Variants in TRPC1 observed in about 807,000 individuals in gnomAD.
TRPC1 encodes short transient receptor potential channel 1.
Under a neutral mutation model 88.2 loss-of-function variants are expected in TRPC1, and 42 were observed. The ratio of observed to expected loss-of-function variants is 0.48; its 90% CI spans 0.37 to 0.62. TRPC1 has a LOEUF of 0.62. Among genes scored for constraint, TRPC1 ranks in the 20% least tolerant of loss-of-function variants. The pLI is 0.00. For missense variants in TRPC1, 699 were observed against 957.3 expected, an observed-to-expected ratio of 0.73 and a Z score of 3.56; for synonymous variants, 288 against 331.8, an observed-to-expected ratio of 0.87 and a Z score of 1.43.
intron 1 of TRPC1, among the ~76,000 whole-genome samples, chr3:142,731,134 A>T (rs184814729): frequency 4.6e-5 from 7 of 152,164 alleles, no homozygotes; most frequent in African/African-American, 7.2e-5. Context: ...CATTTTTTTT[A>T]AATTGCTGGT....
At chr3:142,743,428 G>A in intron 2 of TRPC1, 57 bp from the exon 3 acceptor site, 4 of 1,221,850 alleles carry the variant, frequency 3.3e-6, no homozygotes, top group Non-Finnish European at 4.4e-6. Flanking sequence ...TTAGTAAAAA[G>A]AAGTAGTTTA....
intron 7 of TRPC1, among the ~76,000 whole-genome samples, chr3:142,785,540 C>T (rs990168526): frequency 6.6e-6 from 1 of 152,100 alleles, no homozygotes; most frequent in Admixed American, 6.5e-5. Flanking sequence ...CTCGCTCTGT[C>T]GCCCAGGCTG....
intron 6 of TRPC1, among the ~76,000 whole-genome samples, chr3:142,782,874 C>T (rs578169521): frequency 3.9e-5 from 6 of 152,310 alleles, no homozygotes; most frequent in Non-Finnish European, 8.8e-5. Flanking sequence ...TTCCTCACAG[C>T]ATGGTGGCTT....
chr3:142,756,361 C>CT (rs749438384), intron 4 of TRPC1, among the ~76,000 whole-genome samples: 13,937 of 136,478 alleles, frequency 0.1, 897 homozygotes, highest in African/African-American at 0.16. Context: ...TATGATGGTT[C>CT]TTTTTTTTTT....
At chr3:142,790,781 AC>A (rs1318467902) in intron 7 of TRPC1, among the ~76,000 whole-genome samples, 1 of 151,890 alleles carries the variant, frequency 6.6e-6, no homozygotes, top group Admixed American at 6.6e-5. Flanking sequence ...TTGGTTTCTT[AC>A]GTTTGTTCCA....
In TRPC1 at chr3:142,792,933, T is replaced by C; in HGVS notation, c.1547T>C (p.Met516Thr). ...CTAAGTTATCTTCGTCTCTTTTTTA[T>C]GTATACAACCAGCTCTATCTTGGGT... ...NVLSYLRLFFMYTTSSILGPL... is the reference protein window; with the variant it reads ...NVLSYLRLFFTYTTSSILGPL... The change falls in exon 9 of 13, where the codon ATG (methionine) becomes ACG (threonine). Residue 516 changes from methionine to threonine, a missense_variant. Physicochemically the swap from Met to Thr is moderately conservative, Grantham distance 81 (BLOSUM62 -1). This residue lies in a region of TRPC1 where 426 missense variants were observed against 641.3 expected (regional missense o/e 0.66). Coordinates refer to ENST00000476941, the MANE Select transcript of TRPC1 (RefSeq NM_001251845.2). The surrounding 1 kb of genome is among the most constrained non-coding windows in gnomAD (Gnocchi z 4.0). The C allele has an allele frequency of 6.2e-7, 1 of 1,609,542 alleles. No homozygotes were observed. The highest frequency in any genetic ancestry group is 8.5e-7 in the Non-Finnish European group (1 of 1,177,538).
intron 1 of TRPC1, among the ~76,000 whole-genome samples, chr3:142,726,699 G>A (rs201000216): frequency 3.9e-5 from 6 of 152,104 alleles, no homozygotes; most frequent in East Asian, 3.9e-4. Flanking sequence ...TTTTGATTAC[G>A]TGTTTGTATT....
At chr3:142,779,046 A>G (rs1444372903) in intron 5 of TRPC1, among the ~76,000 whole-genome samples, 1 of 152,202 alleles carries the variant, frequency 6.6e-6, no homozygotes, top group Non-Finnish European at 1.5e-5. Flanking sequence ...TTCCTATTGT[A>G]ACCTCATAAT....
intron 4 of TRPC1, among the ~76,000 whole-genome samples, chr3:142,756,368 T>TA (rs1934963240): frequency 6.6e-6 from 1 of 151,680 alleles, no homozygotes; most frequent in African/African-American, 2.4e-5. Flanking sequence ...GTTCTTTTTT[T>TA]TTTTTTTTTG....
intron 4 of TRPC1, among the ~76,000 whole-genome samples, chr3:142,775,695 C>T (rs1002184353): frequency 1.3e-5 from 2 of 151,620 alleles, no homozygotes; most frequent in African/African-American, 4.8e-5. Context: ...TACAAATTGA[C>T]TAAAAGCAGG....
In TRPC1 at chr3:142,803,992, CT is replaced by C; in HGVS notation, c.1776del (p.Phe592LeufsTer10). 6.2e-7 allele frequency: 1 copy of C among 1,613,488 alleles called. No homozygotes were observed. Among genetic ancestry groups the C allele is most frequent in the Non-Finnish European group, 8.5e-7 (1 of 1,179,670 alleles). On this transcript the variant is annotated frameshift_variant, in exon 11 of 13. Transcript: ENST00000476941. LOFTEE classifies it high-confidence loss of function. ...DTFHSFIGTCFALFWYIFSLA... is the reference protein window; with the variant it reads ...DTFHSFIGTCXALFWYIFSLA... ...GTCTTTACAGGTTCATTGGCACCTG[CT>C]TTGCTTTGTTCTGGTATATTTTCTC...
intron 4 of TRPC1, among the ~76,000 whole-genome samples, chr3:142,757,690 T>C (rs995219311): frequency 6.6e-6 from 1 of 152,030 alleles, no homozygotes; most frequent in Non-Finnish European, 1.5e-5. Context: ...AAATACCTAA[T>C]GCATGCGGGG....
chr3:142,805,327 T>G (rs1336827126), intron 12 of TRPC1, among the ~76,000 whole-genome samples: 2 of 152,046 alleles, frequency 1.3e-5, no homozygotes. Context: ...TAGAATCAGC[T>G]CATATTTTTC....
Position 142,743,539 on chromosome 3 carries a change from A to G in TRPC1, c.382A>G (p.Ile128Val), listed in dbSNP as rs1934431048. The G allele has an allele frequency of 5.9e-6, 9 of 1,528,112 alleles. No individual in the cohort carries two copies. Among genetic ancestry groups the G allele is most frequent in the Non-Finnish European group, 7.0e-6 (8 of 1,143,512 alleles). 94.7% of individuals were successfully genotyped at this position (1,528,112 alleles called of 1,614,324 possible). ...IDSEVVGAVD[I>V]LLNHRPKRSS... ...CTCTGAAGTAGTGGGAGCTGTTGATATACTACTTAATCATCGACCAAAACG... is the reference window on the plus strand; with the variant it reads ...CTCTGAAGTAGTGGGAGCTGTTGATGTACTACTTAATCATCGACCAAAACG... Residue 128 changes from isoleucine to valine, a missense_variant, in exon 3 of 13, where the codon ATA becomes GTA. This residue lies in a region of TRPC1 where 426 missense variants were observed against 641.3 expected (regional missense o/e 0.66). Transcript: ENST00000476941.
At chr3:142,749,666 C>T (rs1490589779) in intron 4 of TRPC1, among the ~76,000 whole-genome samples, 1 of 152,148 alleles carries the variant, frequency 6.6e-6, no homozygotes, top group Non-Finnish European at 1.5e-5. Context: ...TACCTGACTT[C>T]AAACTATACT....
rs200705293 is a variant in TRPC1, at chr3:142,757,282, C to CT, written c.632+8830dup. Among the ~76,000 whole-genome samples, 881 of 151,342 alleles carry CT rather than the reference C, an allele frequency of 5.8e-3. 7 individuals carry two copies. Among genetic ancestry groups the CT allele is most frequent in the African/African-American group, 0.019 (800 of 41,226 alleles). The stretch of plus-strand genomic sequence containing the variant: ...GGAATTGCTGGATCATATGGTAGTT[C>CT]TTTTTTTTAAAAAAAAATTATGTTT... On this transcript the variant is annotated intron_variant, in intron 4 of 12. Transcript: ENST00000476941.
In TRPC1 at chr3:142,780,892, C is replaced by A; in HGVS notation, c.823C>A (p.Gln275Lys). ...CKMFAKDLLA[Q>K]ARNSRELEVI... ...AATGTTTGCTAAGGATTTACTTGCA[C>A]AAGCCCGGAATTCTCGTGAATTGGA... Residue 275 changes from glutamine to lysine, a missense_variant, in exon 6 of 13, where the codon CAA (glutamine) becomes AAA (lysine). Coordinates refer to ENST00000476941, the MANE Select transcript of TRPC1 (RefSeq NM_001251845.2). 6.2e-7 allele frequency: 1 copy of A among 1,613,604 alleles called. No individual in the cohort carries two copies. The highest frequency in any genetic ancestry group is 8.5e-7 in the Non-Finnish European group (1 of 1,179,682).
chr3:142,743,459 A>G, intron 2 of TRPC1, 26 bp from the exon 3 acceptor site: 2 of 1,425,156 alleles, frequency 1.4e-6, no homozygotes, highest in South Asian at 1.3e-5. Flanking sequence ...TTCCATTTTC[A>G]TTTTTAACTT....
chr3:142,802,224 T>C lies in TRPC1; in HGVS notation c.1637T>C (p.Leu546Pro). The C allele has an allele frequency of 6.3e-7, 1 of 1,595,972 alleles. No homozygotes were observed. Among genetic ancestry groups the C allele is most frequent in the Non-Finnish European group, 8.5e-7 (1 of 1,173,240 alleles). ...DFGKFLGMFL[L>P]VLFSFTIGLT... Reference sequence around the variant, plus strand: ...GGAAAATTTCTTGGGATGTTTCTTCTTGTTTTGTTTTCTTTCACAATTGGA... The same window carrying C: ...GGAAAATTTCTTGGGATGTTTCTTCCTGTTTTGTTTTCTTTCACAATTGGA... The change falls in exon 10 of 13, where the codon CTT (leucine) becomes CCT (proline). Residue 546 changes from leucine (L) to proline (P), a missense_variant. Physicochemically the swap from Leu to Pro is moderately conservative, Grantham distance 98 (BLOSUM62 -3). This residue lies in a region of TRPC1 where 426 missense variants were observed against 641.3 expected (regional missense o/e 0.66). Transcript: ENST00000476941.
Sources: allele counts gnomAD v4.1 joint callset (sites outside exome capture counted in the v4.1 genomes callset), GRCh38; gene constraint gnomAD v4.1.1; regional missense constraint gnomAD v4.1.1; non-coding constraint Gnocchi (gnomAD v3.1); transcripts MANE v1.5; gene names NCBI Gene and HGNC (gene_info 2026-07-23, HGNC 2026-07-21).